PDE7A: variants seen among roughly 807,000 people sequenced by gnomAD.
PDE7A encodes the protein high affinity 3',5'-cyclic-AMP phosphodiesterase 7A.
Under a neutral mutation model 64.3 loss-of-function variants are expected in PDE7A, and 39 were observed. The ratio of observed to expected loss-of-function variants is 0.61; its 90% CI spans 0.47 to 0.79. The LOEUF (loss-of-function observed/expected upper bound fraction) is 0.79, where lower values mean the gene tolerates loss of function less well. PDE7A is among the 30% of genes least tolerant of loss of function. PDE7A has a pLI of 0.00. For missense variants in PDE7A, 470 were observed against 582.8 expected (o/e 0.81, Z 1.99); for synonymous variants, 203 against 206.8 (o/e 0.98, Z 0.16).
At chr8:65,788,205 T>G (rs1156314661) in intron 1 of PDE7A, among the ~76,000 whole-genome samples, 7 of 152,150 alleles carry the variant, frequency 4.6e-5, no homozygotes, top group Admixed American at 3.9e-4. Context: ...ATAATCATTT[T>G]TATAGAAGAA....
Position 65,715,674 on chromosome 8 carries a change from G to A in PDE7A, c.*3616C>T, listed in dbSNP as rs1428271263. Among the ~76,000 whole-genome samples the A allele has an allele frequency of 4.9e-5, 7 of 144,062 alleles. No homozygotes were observed. The highest frequency in any genetic ancestry group is 4.9e-4 in the East Asian group (2 of 4,084). 94.5% of individuals were successfully genotyped at this position (144,062 alleles called of 152,430 possible). On this transcript the variant is annotated 3_prime_UTR_variant, in exon 13 of 13. Transcript: ENST00000401827. ...ATTACAGGTGTGAGCCACCATGCCC[G>A]GCCACAAAAATGTTCTTAAAAAATT... is the stretch of plus-strand genomic sequence containing the variant.
At chr8:65,804,044 G>C (rs929136211) in intron 1 of PDE7A, among the ~76,000 whole-genome samples, 13 of 152,064 alleles carry the variant, frequency 8.5e-5, no homozygotes, top group African/African-American at 2.9e-4. Flanking sequence ...AACTAATATG[G>C]TAAGAAAAAT....
Position 65,734,823 on chromosome 8 carries a change from C to A in PDE7A, c.667G>T (p.Ala223Ser), listed in dbSNP as rs1281857526. Reference protein sequence around the residue: ...NAVHAADVTQAMHCYLKEPKL... With the variant: ...NAVHAADVTQSMHCYLKEPKL... ...GGTTCCTTTAAGTAACAGTGCATGGCCTGAGTAACATCCGCAGCGTGGACT... is the reference window on the plus strand; with the variant it reads ...GGTTCCTTTAAGTAACAGTGCATGGACTGAGTAACATCCGCAGCGTGGACT... Residue 223 changes from alanine to serine, a missense_variant, in exon 7 of 13, where the codon GCC becomes TCC. Coordinates refer to ENST00000401827, the MANE Select transcript of PDE7A (RefSeq NM_001242318.3). 6.2e-7 allele frequency: 1 copy of A among 1,609,602 alleles called. No individual in the cohort carries two copies. Among genetic ancestry groups the A allele is most frequent in the African/African-American group, 1.3e-5 (1 of 74,850 alleles).
At chr8:65,761,436 G>T (rs1808489351) in intron 3 of PDE7A, among the ~76,000 whole-genome samples, 1 of 152,166 alleles carries the variant, frequency 6.6e-6, no homozygotes, top group Non-Finnish European at 1.5e-5. Context: ...ATGCACAACA[G>T]ATTAAACTTG....
chr8:65,722,407 T>A (rs1219840982), intron 12 of PDE7A: 1 of 152,278 alleles, frequency 6.6e-6, no homozygotes, highest in Non-Finnish European at 1.5e-5. Context: ...TCTGGCCCCA[T>A]GGCATGGTCT....
chr8:65,728,364 G>A (rs1806694192), intron 7 of PDE7A: 1 of 152,072 alleles, frequency 6.6e-6, no homozygotes, highest in South Asian at 2.1e-4. Context: ...CTGCTAGAAC[G>A]AATCAATCAT....
intron 1 of PDE7A, chr8:65,789,015 T>C: frequency 6.3e-7 from 1 of 1,588,602 alleles, no homozygotes; most frequent in South Asian, 1.1e-5. Context: ...AGGAGTCTGA[T>C]AAATACCAGC....
chr8:65,799,693 G>A (rs975758527), intron 1 of PDE7A, among the ~76,000 whole-genome samples: 2 of 152,202 alleles, frequency 1.3e-5, no homozygotes, highest in African/African-American at 4.8e-5. Context: ...CTCATGGCTG[G>A]GCATGGGTCT....
At chr8:65,749,176 A>C (rs1807819786) in intron 3 of PDE7A, among the ~76,000 whole-genome samples, 1 of 152,220 alleles carries the variant, frequency 6.6e-6, no homozygotes, top group Non-Finnish European at 1.5e-5. Flanking sequence ...CTGATATTAT[A>C]ATTAGTTTTT....
intron 1 of PDE7A, among the ~76,000 whole-genome samples, chr8:65,833,410 T>C (rs1282988587): frequency 2.0e-5 from 3 of 152,192 alleles, no homozygotes; most frequent in African/African-American, 7.2e-5. Context: ...CTACATCAAA[T>C]AATCAGTCAA....
intron 3 of PDE7A, among the ~76,000 whole-genome samples, chr8:65,762,284 C>T (rs946063792): frequency 2.0e-5 from 3 of 152,078 alleles, no homozygotes; most frequent in South Asian, 4.1e-4. Flanking sequence ...TTGTTAACAT[C>T]GGGTAATTAC....
At chr8:65,731,829 C>T (rs1214783171) in intron 7 of PDE7A, among the ~76,000 whole-genome samples, 3 of 152,024 alleles carry the variant, frequency 2.0e-5, no homozygotes, top group Non-Finnish European at 2.9e-5. Context: ...AATATATATA[C>T]TTAAGTCTAT....
intron 1 of PDE7A, among the ~76,000 whole-genome samples, chr8:65,798,206 A>ATATATATATATTTTTTT: frequency 9.9e-4 from 73 of 73,780 alleles, no homozygotes; most frequent in Non-Finnish European, 1.5e-3. Flanking sequence ...ATATATATAT[A>ATATATATATATTTTTTT]TTTTTTTTTT....
intron 7 of PDE7A, among the ~76,000 whole-genome samples, chr8:65,733,069 T>C (rs1806966615): frequency 6.6e-6 from 1 of 152,212 alleles, no homozygotes; most frequent in Non-Finnish European, 1.5e-5. Flanking sequence ...GCCTGCATTG[T>C]AGGGCTTTGT....
At chr8:65,782,165 C>T (rs1280427769) in intron 2 of PDE7A, among the ~76,000 whole-genome samples, 1 of 152,060 alleles carries the variant, frequency 6.6e-6, no homozygotes, top group Non-Finnish European at 1.5e-5. Context: ...AATAAATTTG[C>T]CTGTTGGAAT....
intron 7 of PDE7A, among the ~76,000 whole-genome samples, chr8:65,734,034 G>C (rs1054973401): frequency 6.6e-6 from 1 of 152,120 alleles, no homozygotes; most frequent in African/African-American, 2.4e-5. Context: ...CATTAAGTCT[G>C]ATTTCTCTTC....
At chr8:65,739,467 A>T (rs901061464) in intron 6 of PDE7A, 35 bp downstream of exon 6, 5 of 1,518,722 alleles carry the variant, frequency 3.3e-6, no homozygotes, top group Non-Finnish European at 2.6e-6. Context: ...TATAAATGTA[A>T]ATCTTGTTAC....
intron 1 of PDE7A, among the ~76,000 whole-genome samples, chr8:65,796,555 A>G (rs1019249537): frequency 5.3e-5 from 8 of 152,324 alleles, no homozygotes; most frequent in Admixed American, 4.6e-4. Flanking sequence ...CATTCAAAAA[A>G]CAATAAATGT....
At chr8:65,743,960 G>A (rs1244931335) in intron 5 of PDE7A, among the ~76,000 whole-genome samples, 1 of 151,892 alleles carries the variant, frequency 6.6e-6, no homozygotes, top group Non-Finnish European at 1.5e-5. Flanking sequence ...AGCCTCCCAT[G>A]TAGCTAGGAT....
Sources: gnomAD v4.1 joint callset for allele counts (sites outside exome capture counted in the v4.1 genomes callset) on GRCh38, gnomAD v4.1.1 for gene constraint, MANE v1.5 for transcripts, NCBI Gene and HGNC (gene_info 2026-07-23, HGNC 2026-07-21) for gene names.